OPTN: variants seen among roughly 807,000 people sequenced by gnomAD.
The protein encoded by OPTN is E3-14.7K-interacting protein.
OPTN carries 54 observed loss-of-function variants against 70.4 expected under a neutral mutation model. The observed-to-expected ratio is 0.77, with a 90% CI of 0.62 to 0.96. The LOEUF (loss-of-function observed/expected upper bound fraction) is 0.96. OPTN is among the 40% of genes least tolerant of loss of function. The pLI is 0.00. For missense variants in OPTN, 624 were observed against 673.2 expected, an observed-to-expected ratio of 0.93 and a Z score of 0.81; for synonymous variants, 256 against 248.5, an observed-to-expected ratio of 1.03 and a Z score of -0.28.
Position 13,118,863 on chromosome 10 carries a change from AC to A in OPTN, c.627-23del, listed in dbSNP as rs907757806. On this transcript the variant is annotated intron_variant, in intron 6 of 14. Transcript: ENST00000378747. The stretch of plus-strand genomic sequence containing the variant: ...AGTCTTTGGAATTTTTCTGATGAAA[AC>A]CTTTTAACCTTTATACTGAACAGGG... The A allele has an allele frequency of 4.3e-6, 7 of 1,611,570 alleles. No homozygotes were observed. The African/African-American group carries it at 9.4e-5, about 22-fold the overall frequency.
chr10:13,132,154 G>A lies in OPTN; in HGVS notation c.1489G>A (p.Ala497Thr), dbSNP rs746494028. ...AAAGGAGCAACTGGCATTGCAGCTG[G>A]CAGTTCTGCTGAAAGAGAATGATGC... Reference protein sequence around the residue: ...EEKEQLALQLAVLLKENDAFE... With the variant: ...EEKEQLALQLTVLLKENDAFE... The change falls in exon 13 of 15, where the codon GCA (alanine) becomes ACA (threonine). Residue 497 changes from alanine to threonine, a missense_variant. By Grantham distance (58) the Ala-to-Thr change is moderately conservative. Transcript: ENST00000378747. 5 of 1,613,502 alleles carry A rather than the reference G, an allele frequency of 3.1e-6. No individual in the cohort carries two copies. The highest frequency in any genetic ancestry group is 1.1e-5 in the South Asian group (1 of 91,078).
intron 7 of OPTN, among the ~76,000 whole-genome samples, chr10:13,121,670 T>C (rs1833355078): frequency 6.6e-6 from 1 of 152,128 alleles, no homozygotes; most frequent in Non-Finnish European, 1.5e-5. Flanking sequence ...ACAGTGTGAA[T>C]CTGGTTGCTT....
At chr10:13,101,657 A>C (rs1342168270) in intron 1 of OPTN, among the ~76,000 whole-genome samples, 1 of 152,236 alleles carries the variant, frequency 6.6e-6, no homozygotes, top group East Asian at 1.9e-4. Context: ...GAAAAAATTA[A>C]AAGTTTTTGT....
chr10:13,137,082 C>T lies in OPTN; in HGVS notation c.*216C>T. On this transcript the variant is annotated 3_prime_UTR_variant, in exon 15 of 15. Transcript: ENST00000378747. ...ATCACTTGGGGTCAGGGTTTGAGAC[C>T]AGCCTGGCCAACATGGCGGAACCCT... The T allele has an allele frequency of 1.8e-6, 1 of 570,608 alleles. No individual in the cohort carries two copies. The highest frequency in any genetic ancestry group is 3.2e-6 in the Non-Finnish European group (1 of 316,030). The allele number at this position is 570,608 out of a possible 1,614,324, so 35.3% of individuals were successfully genotyped here.
intron 4 of OPTN, among the ~76,000 whole-genome samples, chr10:13,111,303 T>C (rs1832989518): frequency 6.6e-6 from 1 of 152,230 alleles, no homozygotes; most frequent in South Asian, 2.1e-4. Flanking sequence ...TATTCCAGCA[T>C]GGCAAGGAAG....
chr10:13,119,977 CTTTCT>C (rs1435260768), intron 7 of OPTN, among the ~76,000 whole-genome samples: 6 of 137,828 alleles, frequency 4.4e-5, no homozygotes, highest in African/African-American at 1.3e-4. Context: ...CAACTATTTT[CTTTCT>C]TTTTTTTTTT....
chr10:13,115,951 A>G (rs1833198186), intron 5 of OPTN, among the ~76,000 whole-genome samples: 1 of 152,134 alleles, frequency 6.6e-6, no homozygotes, highest in Non-Finnish European at 1.5e-5. Flanking sequence ...CTTGAGAAAG[A>G]GGGAACTGCC....
At chr10:13,109,028 A>C (rs1832933230) in intron 2 of OPTN, 84 bp from the exon 3 acceptor site, 3 of 1,219,224 alleles carry the variant, frequency 2.5e-6, no homozygotes. Context: ...AAGTATTAGC[A>C]ATCGCCAATG....
chr10:13,118,825 T>C (rs930454308), intron 6 of OPTN, 63 bp from the exon 7 acceptor site: 2 of 1,416,390 alleles, frequency 1.4e-6, no homozygotes, highest in African/African-American at 1.4e-5. Context: ...TTATATTGGG[T>C]TACTCTCTTC....
chr10:13,115,225 ATATAG>A (rs1564359483), intron 5 of OPTN, among the ~76,000 whole-genome samples: 1 of 12,002 alleles, frequency 8.3e-5, no homozygotes, highest in African/African-American at 1.8e-4. Flanking sequence ...ATATATTTAT[ATATAG>A]ATATATCTAT....
intron 8 of OPTN, among the ~76,000 whole-genome samples, chr10:13,123,464 A>C (rs1021309856): frequency 2.0e-5 from 3 of 152,258 alleles, no homozygotes; most frequent in African/African-American, 7.2e-5. Context: ...TGAAGAGACC[A>C]CCAGTGAATA....
intron 5 of OPTN, among the ~76,000 whole-genome samples, chr10:13,114,788 A>ATG: frequency 9.6e-6 from 1 of 104,194 alleles, no homozygotes; most frequent in Admixed American, 1.3e-4. Context: ...TTATATAATT[A>ATG]TATAATTATA....
At chr10:13,116,679 A>G (rs577910) in intron 6 of OPTN, 4,160 of 381,446 alleles carry the variant, frequency 0.011, 165 homozygotes, top group African/African-American at 0.08. Flanking sequence ...CCCCGGTGCC[A>G]TTTGACCCAG....
At chr10:13,104,266 T>C (rs963139115) in intron 1 of OPTN, among the ~76,000 whole-genome samples, 8 of 138,310 alleles carry the variant, frequency 5.8e-5, no homozygotes, top group South Asian at 2.5e-4. Context: ...TTTTTTTTTT[T>C]TTTTTTTTTG....
At chr10:13,108,058 T>C (rs553528449) in intron 1 of OPTN, 80 bp from the exon 2 acceptor site, 8 of 152,338 alleles carry the variant, frequency 5.3e-5, no homozygotes, top group East Asian at 1.9e-4. Context: ...CCTAAAGATA[T>C]CTTAGTCTTT....
At position 13,133,537 on chromosome 10, in the gene OPTN, C is replaced by T. The variant is rs747569110; in HGVS notation, c.1568C>T (p.Ala523Val). The T allele has an allele frequency of 3.1e-6, 5 of 1,613,946 alleles. No homozygotes were observed. Among genetic ancestry groups the T allele is most frequent in the Admixed American group, 3.3e-5 (2 of 59,994 alleles). ...SLMEMQSRHG[A>V]RTSDSDQQAY... ...ATGGAGATGCAGAGTCGTCATGGGG[C>T]GAGAACAAGTGACTCTGACCAGCAG... The change falls in exon 14 of 15, where the codon GCG becomes GTG. Residue 523 changes from alanine (A) to valine (V), a missense_variant. By Grantham distance (64) the Ala-to-Val change is moderately conservative. Coordinates refer to ENST00000378747, the MANE Select transcript of OPTN (RefSeq NM_001008212.2).
intron 9 of OPTN, 41 bp from the exon 10 acceptor site, chr10:13,125,377 A>G (rs1833435462): frequency 6.2e-7 from 1 of 1,612,300 alleles, no homozygotes; most frequent in Non-Finnish European, 8.5e-7. Context: ...TGCGACGTAA[A>G]GGAGCATTGT....
intron 1 of OPTN, among the ~76,000 whole-genome samples, chr10:13,105,799 C>T (rs1459077556): frequency 6.6e-6 from 1 of 151,876 alleles, no homozygotes; most frequent in South Asian, 2.1e-4. Flanking sequence ...ATCCCAGCTA[C>T]TTGGGAGGTT....
intron 8 of OPTN, chr10:13,123,149 T>G (rs1291494392): frequency 1.3e-5 from 2 of 154,796 alleles, no homozygotes; most frequent in East Asian, 3.8e-4. Flanking sequence ...AATTGAAAGA[T>G]TTGGGTTCTA....
Sources: allele counts gnomAD v4.1 joint callset (sites outside exome capture counted in the v4.1 genomes callset), GRCh38; gene constraint gnomAD v4.1.1; transcripts MANE v1.5; gene names NCBI Gene and HGNC (gene_info 2026-07-23, HGNC 2026-07-21).